Variants in XKR4 observed in about 807,000 individuals in gnomAD.
The protein encoded by XKR4 is XK-related protein 4.
A neutral mutation model predicts 53.9 loss-of-function variants in XKR4; 12 were observed. The observed-to-expected ratio is 0.22, with a 90% CI of 0.14 to 0.36. XKR4 has a LOEUF of 0.36. XKR4 is among the 10% of genes least tolerant of loss of function. XKR4 has a pLI of 1.00. For synonymous variants in XKR4, 354 were observed against 362.4 expected, an observed-to-expected ratio of 0.98 and a Z score of 0.26; for missense variants, 799 against 859.5, an observed-to-expected ratio of 0.93 and a Z score of 0.88.
chr8:55,514,408 C>T (rs1051526426), intron 2 of XKR4, among the ~76,000 whole-genome samples: 22 of 152,072 alleles, frequency 1.4e-4, no homozygotes, highest in African/African-American at 5.3e-4. Context: ...AGGCATGTGC[C>T]ATCATGCCAG....
At chr8:55,254,802 C>G (rs1027543165) in intron 1 of XKR4, among the ~76,000 whole-genome samples, 1 of 152,176 alleles carries the variant, frequency 6.6e-6, no homozygotes, top group Admixed American at 6.5e-5. Context: ...CCCACAGGTT[C>G]GAACTGACTT....
At chr8:55,278,904 A>G (rs1465372584) in intron 1 of XKR4, among the ~76,000 whole-genome samples, 2 of 152,212 alleles carry the variant, frequency 1.3e-5, no homozygotes, top group East Asian at 1.9e-4. Flanking sequence ...ATGCTAACTC[A>G]TGCGCACCTC....
At chr8:55,450,290 A>G (rs944989737) in intron 2 of XKR4, 14 of 702,808 alleles carry the variant, frequency 2.0e-5, no homozygotes, top group South Asian at 1.7e-4. Context: ...TCCCAGTCAT[A>G]GGGAGGGCCC....
chr8:55,153,223 C>T (rs1191364489), intron 1 of XKR4, among the ~76,000 whole-genome samples: 2 of 152,216 alleles, frequency 1.3e-5, no homozygotes, highest in African/African-American at 4.8e-5. Flanking sequence ...TGTGTTTACT[C>T]AACTTACAAA....
intron 2 of XKR4, among the ~76,000 whole-genome samples, chr8:55,521,996 TC>T (rs1346202262): frequency 1.3e-5 from 2 of 152,184 alleles, no homozygotes; most frequent in Non-Finnish European, 2.9e-5. Context: ...ATGAGACCAT[TC>T]TTAGTCTTGG....
chr8:55,195,277 A>G (rs965665061), intron 1 of XKR4, among the ~76,000 whole-genome samples: 1 of 141,742 alleles, frequency 7.1e-6, no homozygotes, highest in Admixed American at 7.1e-5. Flanking sequence ...TTTTTGATGA[A>G]TTGTACACTA....
At chr8:55,134,710 T>C (rs139893922) in intron 1 of XKR4, among the ~76,000 whole-genome samples, 2 of 152,346 alleles carry the variant, frequency 1.3e-5, no homozygotes, top group Non-Finnish European at 2.9e-5. Flanking sequence ...TGTGGAGTAA[T>C]AATATCTGTA....
At chr8:55,451,993 G>A (rs1805455628) in intron 2 of XKR4, 4 of 773,766 alleles carry the variant, frequency 5.2e-6, no homozygotes, top group South Asian at 4.1e-5. Flanking sequence ...ACATGCTGCC[G>A]CCCGATGGTC....
chr8:55,303,262 T>C (rs908656935), intron 1 of XKR4, among the ~76,000 whole-genome samples: 32 of 152,180 alleles, frequency 2.1e-4, no homozygotes, highest in Admixed American at 1.0e-3. Context: ...AATCCTGTGG[T>C]TTTTGTCTTT....
intron 1 of XKR4, among the ~76,000 whole-genome samples, chr8:55,310,793 T>C (rs775756531): frequency 6.6e-6 from 1 of 152,062 alleles, no homozygotes; most frequent in Non-Finnish European, 1.5e-5. Flanking sequence ...GAGTGGGAGA[T>C]TCGTGAGAAA....
rs557732710 is a variant in XKR4 at position 55,512,580 on chromosome 8, C to T, written c.1007-10701C>T. 1.7e-4 allele frequency among the ~76,000 whole-genome samples: 26 copies of T among 152,362 alleles called. No homozygotes were observed. In the South Asian group the frequency reaches 4.8e-3, roughly 28 times the overall value. ...ATGTATGTTGCAAATATATGTCTGT[C>T]TTCCATACTGATTTTTCAGTTCCTC... On this transcript the variant is annotated intron_variant, in intron 2 of 2. Transcript: ENST00000327381.
At chr8:55,505,744 C>T (rs979501116) in intron 2 of XKR4, among the ~76,000 whole-genome samples, 21 of 152,124 alleles carry the variant, frequency 1.4e-4, no homozygotes, top group African/African-American at 5.1e-4. Context: ...TATGGTCTAT[C>T]CTGGAGAATG....
At chr8:55,197,674 GCTGGGA>G (rs1490185336) in intron 1 of XKR4, among the ~76,000 whole-genome samples, 1 of 151,760 alleles carries the variant, frequency 6.6e-6, no homozygotes, top group East Asian at 1.9e-4. Flanking sequence ...CTCCCAAGTA[GCTGGGA>G]CTACAGGCAC....
At chr8:55,188,730 T>C (rs1013115298) in intron 1 of XKR4, among the ~76,000 whole-genome samples, 3 of 152,142 alleles carry the variant, frequency 2.0e-5, no homozygotes, top group Admixed American at 6.6e-5. Flanking sequence ...GGTGACAAAA[T>C]CATGAAGATG....
chr8:55,280,001 G>C (rs922528256), intron 1 of XKR4, among the ~76,000 whole-genome samples: 1 of 152,118 alleles, frequency 6.6e-6, no homozygotes, highest in Non-Finnish European at 1.5e-5. Flanking sequence ...ATTTCTAAAG[G>C]TAACAACATC....
intron 1 of XKR4, among the ~76,000 whole-genome samples, chr8:55,231,578 C>T (rs1456483222): frequency 2.6e-5 from 4 of 151,834 alleles, no homozygotes; most frequent in Non-Finnish European, 5.9e-5. Context: ...AGATGGGGTT[C>T]AAATTGAAGT....
chr8:55,517,363 G>A (rs1806728086), intron 2 of XKR4: 1 of 151,920 alleles, frequency 6.6e-6, no homozygotes, highest in African/African-American at 2.4e-5. Flanking sequence ...AGAGACAGGT[G>A]CTGGGGATAC....
At position 55,202,254 on chromosome 8, in the gene XKR4, C is replaced by T. The variant is rs977192944; in HGVS notation, c.806+98960C>T. Reference sequence around the variant, plus strand: ...GACCTGAGGGTTCGATATGTCATTACAGCCAGTTGGCTCGTGGCCTTACCA... The same window carrying T: ...GACCTGAGGGTTCGATATGTCATTATAGCCAGTTGGCTCGTGGCCTTACCA... On this transcript the variant is annotated intron_variant, in intron 1 of 2. Transcript: ENST00000327381. Among the ~76,000 whole-genome samples the T allele has an allele frequency of 2.0e-5, 3 of 152,206 alleles. No individual in the cohort carries two copies. The South Asian group carries it at 6.2e-4, about 31-fold the overall frequency.
intron 2 of XKR4, among the ~76,000 whole-genome samples, chr8:55,412,589 A>G (rs1585561479): frequency 6.6e-6 from 1 of 152,258 alleles, no homozygotes; most frequent in South Asian, 2.1e-4. Context: ...CTCCCATGAA[A>G]CAGAAACATT....
Sources: gnomAD v4.1 joint callset for allele counts (sites outside exome capture counted in the v4.1 genomes callset) on GRCh38, gnomAD v4.1.1 for gene constraint, MANE v1.5 for transcripts, NCBI Gene and HGNC (gene_info 2026-07-23, HGNC 2026-07-21) for gene names.